The following FAIM2 variants were observed in gnomAD, a reference collection of about 807,000 sequenced individuals.
FAIM2 encodes protein lifeguard 2.
FAIM2 carries 27 observed loss-of-function variants against 47.4 expected under a neutral mutation model. The ratio of observed to expected loss-of-function variants is 0.57; its 90% CI spans 0.42 to 0.78. FAIM2 has a LOEUF of 0.78. Ranked by LOEUF, FAIM2 falls within the 30% of genes least tolerant of loss-of-function variation. The pLI, the probability that FAIM2 is intolerant of heterozygous loss-of-function variation, is 0.00. For missense variants in FAIM2, 311 were observed against 389.4 expected (o/e 0.80, Z 1.69); for synonymous variants, 156 against 159.3 (o/e 0.98, Z 0.16).
intron 2 of FAIM2, chr12:49,900,311 G>T: frequency 1.1e-6 from 1 of 946,842 alleles, no homozygotes; most frequent in Non-Finnish European, 1.4e-6. Context: ...GAATCCTGCT[G>T]GAGGTGGGGT....
At chr12:49,900,250 T>G in intron 2 of FAIM2, 1 of 1,277,912 alleles carries the variant, frequency 7.8e-7, no homozygotes, top group Non-Finnish European at 1.0e-6. Context: ...TGGTGGCTAC[T>G]CCCTATGAGC....
Position 49,879,258 on chromosome 12 carries a change from GTA to G in FAIM2, c.801+8126_801+8127del, listed in dbSNP as rs1478657285. On this transcript the variant is annotated intron_variant, in intron 11 of 11. Transcript: ENST00000320634. ...TATGCATGCATGTGTGTGCATGTGTGTATGTGTGCATGTGTATATGTGTGTAT... is the reference window on the plus strand; with the variant it reads ...TATGCATGCATGTGTGTGCATGTGTGTGTGTGCATGTGTATATGTGTGTAT... Among the ~76,000 whole-genome samples the G allele has an allele frequency of 7.2e-5, 8 of 111,728 alleles. 1 individual carries two copies. Among genetic ancestry groups the G allele is most frequent in the Non-Finnish European group, 1.2e-4 (7 of 56,896 alleles). 73.3% of individuals were successfully genotyped at this position (111,728 alleles called of 152,430 possible).
chr12:49,870,759 C>G, intron 11 of FAIM2, 106 bp from the exon 12 acceptor site: 1 of 1,086,392 alleles, frequency 9.2e-7, no homozygotes, highest in Non-Finnish European at 1.3e-6. Context: ...ATTTTATTAC[C>G]CTCACCAGCT....
intron 10 of FAIM2, among the ~76,000 whole-genome samples, chr12:49,887,694 C>T (rs959127701): frequency 6.6e-6 from 1 of 152,096 alleles, no homozygotes; most frequent in Admixed American, 6.5e-5. Flanking sequence ...CCGCAGCACA[C>T]AGCCCTGGGC....
intron 2 of FAIM2, chr12:49,900,176 G>C (rs760807975): frequency 2.4e-5 from 31 of 1,286,328 alleles, no homozygotes; most frequent in Middle Eastern, 2.1e-4. Flanking sequence ...CCTCCAGTAG[G>C]TCACGGTGGG....
chr12:49,903,041 G>T (rs1399698445), intron 1 of FAIM2: 1 of 151,916 alleles, frequency 6.6e-6, no homozygotes, highest in African/African-American at 2.4e-5. Context: ...CCAAACAGAG[G>T]GCCCGAGTAC....
At chr12:49,879,784 ATGTG>A (rs535684212) in intron 11 of FAIM2, among the ~76,000 whole-genome samples, 12 of 148,686 alleles carry the variant, frequency 8.1e-5, no homozygotes, top group South Asian at 4.3e-4. Flanking sequence ...ATATATGTGC[ATGTG>A]TGTATGTGTG....
chr12:49,873,781 T>C (rs993658762), intron 11 of FAIM2, among the ~76,000 whole-genome samples: 3 of 152,214 alleles, frequency 2.0e-5, no homozygotes, highest in African/African-American at 4.8e-5. Context: ...TGGGATGGCC[T>C]GCTTCAAATT....
chr12:49,879,457 C>G (rs1253544206), intron 11 of FAIM2, among the ~76,000 whole-genome samples: 2 of 111,656 alleles, frequency 1.8e-5, no homozygotes, highest in African/African-American at 3.6e-5. Flanking sequence ...TGTGTGCATA[C>G]GTGTATATGT....
At chr12:49,894,048 T>C (rs1319048824) in intron 5 of FAIM2, among the ~76,000 whole-genome samples, 2 of 152,180 alleles carry the variant, frequency 1.3e-5, no homozygotes, top group African/African-American at 2.4e-5. Flanking sequence ...GAGATTGTGG[T>C]ACAGCTTGGG....
intron 11 of FAIM2, among the ~76,000 whole-genome samples, chr12:49,880,223 T>G (rs2137088530): frequency 6.6e-6 from 1 of 151,934 alleles, no homozygotes; most frequent in Non-Finnish European, 1.5e-5. Context: ...TGTGTATATG[T>G]GCATGCATGT....
At chr12:49,899,218 C>T (rs1291073741) in intron 2 of FAIM2, among the ~76,000 whole-genome samples, 2 of 152,212 alleles carry the variant, frequency 1.3e-5, no homozygotes, top group African/African-American at 4.8e-5. Flanking sequence ...CTGGTGGGAA[C>T]TACACAGCCT....
intron 5 of FAIM2, among the ~76,000 whole-genome samples, chr12:49,893,047 C>T (rs1047396937): frequency 2.0e-5 from 3 of 152,176 alleles, no homozygotes; most frequent in African/African-American, 7.2e-5. Context: ...CCCTCCACCC[C>T]ACTACCACCC....
intron 11 of FAIM2, among the ~76,000 whole-genome samples, chr12:49,875,245 G>A (rs960680938): frequency 1.3e-5 from 2 of 152,178 alleles, no homozygotes; most frequent in Non-Finnish European, 2.9e-5. Context: ...AAGCCTCTGC[G>A]GCAGGTGTCG....
chr12:49,897,206 C>T, intron 4 of FAIM2, 122 bp from the exon 5 acceptor site: 1 of 869,806 alleles, frequency 1.1e-6, no homozygotes, highest in Non-Finnish European at 1.9e-6. Flanking sequence ...AGGAATGCAG[C>T]CCCTGGAGGC....
At position 49,869,185 on chromosome 12, in the gene FAIM2, TG is replaced by T. The variant is rs1282900857; in HGVS notation, c.*1318del. On this transcript the variant is annotated 3_prime_UTR_variant, in exon 12 of 12. Transcript: ENST00000320634. ...GGTTCCCTCCCCACAGGCGCCCCTC[TG>T]GGGGTTGGAGGGCTGACGCACACCC... 1 of 152,852 alleles carries T rather than the reference TG, an allele frequency of 6.5e-6. No individual in the cohort carries two copies. The highest frequency in any genetic ancestry group is 1.5e-5 in the Non-Finnish European group (1 of 68,442). The allele number at this position is 152,852 out of a possible 1,614,324, so 9.5% of individuals were successfully genotyped here. A position where few individuals can be genotyped will look rare whatever the true frequency, so the allele number is the denominator to read the frequency against.
rs1267067424 is a variant in FAIM2, at chr12:49,870,488, G to T, written c.*16C>A. 6.2e-7 allele frequency: 1 copy of T among 1,611,748 alleles called. No homozygotes were observed. Among genetic ancestry groups the T allele is most frequent in the South Asian group, 1.1e-5 (1 of 90,982 alleles). ...GGGGCGCATTCTCTGGAGGACGGTG[G>T]GGCAGGGAGGGCTCCTCATTCTCGG... On this transcript the variant is annotated 3_prime_UTR_variant, in exon 12 of 12. Coordinates refer to ENST00000320634, the MANE Select transcript of FAIM2 (RefSeq NM_012306.4).
chr12:49,892,660 T>C (rs914436815), intron 5 of FAIM2, among the ~76,000 whole-genome samples: 1 of 152,180 alleles, frequency 6.6e-6, no homozygotes, highest in East Asian at 1.9e-4. Flanking sequence ...TCTCTCTCAG[T>C]CTGCCTGGTT....
intron 11 of FAIM2, among the ~76,000 whole-genome samples, chr12:49,879,725 AGT>A (rs935872224): frequency 1.2e-3 from 136 of 115,302 alleles, no homozygotes; most frequent in Non-Finnish European, 2.1e-3. Context: ...TATATGTGCA[AGT>A]GTGTGTCTGA....
Sources: gnomAD v4.1 joint callset for allele counts (sites outside exome capture counted in the v4.1 genomes callset) on GRCh38, gnomAD v4.1.1 for gene constraint, MANE v1.5 for transcripts, NCBI Gene and HGNC (gene_info 2026-07-23, HGNC 2026-07-21) for gene names.